The following CLIC5 variants were observed in gnomAD, a reference collection of about 807,000 sequenced individuals.
CLIC5 encodes the protein CLIC family member 5, also known as chloride intracellular channel protein 5.
Under a neutral mutation model 24.7 loss-of-function variants are expected in CLIC5, and 20 were observed. The observed-to-expected ratio is 0.81, with a 90% CI of 0.57 to 1.18. The LOEUF is 1.18. Among genes scored for constraint, CLIC5 ranks in the 50% most tolerant of loss-of-function variants. The pLI is 0.00. For missense variants in CLIC5, 341 were observed against 326.1 expected (o/e 1.05, Z -0.35); for synonymous variants, 159 against 135.6 (o/e 1.17, Z -1.20).
chr6:46,071,486 A>T (rs1762595338), intron 1 of CLIC5, among the ~76,000 whole-genome samples: 2 of 152,128 alleles, frequency 1.3e-5, no homozygotes, highest in African/African-American at 4.8e-5. Flanking sequence ...TATGAAAAAA[A>T]GCTTATCGCT....
At chr6:46,005,835 C>G (rs12197333) in intron 1 of CLIC5, among the ~76,000 whole-genome samples, 52,414 of 151,122 alleles carry the variant, frequency 0.35, 9,329 homozygotes, top group Middle Eastern at 0.45. Context: ...CATTGTGGCC[C>G]TCACCAGACA....
chr6:45,911,721 G>C (rs1762826881), intron 5 of CLIC5: 1 of 985,290 alleles, frequency 1.0e-6, no homozygotes, highest in African/African-American at 1.7e-5. Flanking sequence ...TTCTATTGAT[G>C]TTGGTGTTCC....
Position 45,939,984 on chromosome 6 carries a change from C to G in CLIC5, c.406+1563G>C, listed in dbSNP as rs371792119. Among the ~76,000 whole-genome samples, 102 of 152,152 alleles carry G rather than the reference C, an allele frequency of 6.7e-4. 1 individual carries two copies. In the South Asian group the frequency reaches 0.02, roughly 30 times the overall value. ...ATGCTTCTTCTTATTTCCCAGAAGC[C>G]ACTCTCTTTCTAGTTTCTTGACACA... On this transcript the variant is annotated intron_variant, in intron 4 of 5. Transcript: ENST00000339561.
intron 1 of CLIC5, among the ~76,000 whole-genome samples, chr6:46,027,817 G>A (rs1469637534): frequency 6.6e-6 from 1 of 152,200 alleles, no homozygotes; most frequent in Non-Finnish European, 1.5e-5. Context: ...GCCAGGACTT[G>A]TGGAGGATGG....
the CLIC5 span, among the ~76,000 whole-genome samples, chr6:46,097,687 C>A: frequency 6.6e-6 from 1 of 152,232 alleles, no homozygotes; most frequent in Non-Finnish European, 1.5e-5. Flanking sequence ...CCAGGCCATA[C>A]ATGATTCACA....
intron 4 of CLIC5, among the ~76,000 whole-genome samples, chr6:45,937,081 C>T (rs547948483): frequency 4.6e-4 from 70 of 152,132 alleles, no homozygotes; most frequent in Non-Finnish European, 8.5e-4. Flanking sequence ...TGCAAGGCTG[C>T]TGAGGTATGA....
At chr6:45,953,106 C>T (rs1764524632) in intron 2 of CLIC5, among the ~76,000 whole-genome samples, 1 of 152,086 alleles carries the variant, frequency 6.6e-6, no homozygotes, top group Non-Finnish European at 1.5e-5. Flanking sequence ...AGTATTTGAA[C>T]CAAGCAGATG....
At chr6:46,049,890 G>A (rs1256609782) in intron 1 of CLIC5, among the ~76,000 whole-genome samples, 7 of 152,268 alleles carry the variant, frequency 4.6e-5, no homozygotes, top group East Asian at 3.9e-4. Flanking sequence ...TTTGACTGAT[G>A]TCTCTGCTCC....
At chr6:46,009,807 G>A (rs1371613928) in intron 1 of CLIC5, among the ~76,000 whole-genome samples, 1 of 152,170 alleles carries the variant, frequency 6.6e-6, no homozygotes, top group African/African-American at 2.4e-5. Context: ...GAGCCTTGGG[G>A]AAGCAGTTAT....
the CLIC5 span, among the ~76,000 whole-genome samples, chr6:46,124,625 C>T: frequency 6.6e-6 from 1 of 152,190 alleles, no homozygotes; most frequent in East Asian, 1.9e-4. Flanking sequence ...AAACTACCAT[C>T]AGAGTGAATG....
chr6:45,991,386 T>C (rs1163261367), intron 1 of CLIC5, among the ~76,000 whole-genome samples: 7 of 152,090 alleles, frequency 4.6e-5, no homozygotes, highest in African/African-American at 1.7e-4. Context: ...ATCCTAAAAC[T>C]GCAAGAAACT....
intron 1 of CLIC5, among the ~76,000 whole-genome samples, chr6:46,000,420 T>C (rs769905653): frequency 1.2e-4 from 19 of 152,172 alleles, no homozygotes; most frequent in Non-Finnish European, 1.3e-4. Flanking sequence ...TCACCATTTT[T>C]AGTTGTTACC....
At chr6:46,126,359 G>T in the CLIC5 span, among the ~76,000 whole-genome samples, 1 of 152,180 alleles carries the variant, frequency 6.6e-6, no homozygotes, top group African/African-American at 2.4e-5. Context: ...TTGAAAAATT[G>T]AGCACATTGC....
chr6:46,108,330 G>A, the CLIC5 span, among the ~76,000 whole-genome samples: 1 of 151,160 alleles, frequency 6.6e-6, no homozygotes, highest in South Asian at 2.1e-4. Flanking sequence ...CAAAAAAAAA[G>A]GGAAGAGAGA....
chr6:46,046,182 C>T (rs912361780), intron 1 of CLIC5, among the ~76,000 whole-genome samples: 8 of 152,122 alleles, frequency 5.3e-5, no homozygotes, highest in Non-Finnish European at 7.4e-5. Flanking sequence ...CTGAGTAATG[C>T]TTCTTCTAAC....
At chr6:45,997,032 C>T (rs1766169287) in intron 1 of CLIC5, among the ~76,000 whole-genome samples, 1 of 152,108 alleles carries the variant, frequency 6.6e-6, no homozygotes, top group African/African-American at 2.4e-5. Flanking sequence ...ATAAATCATG[C>T]TGCTATAAAG....
intron 1 of CLIC5, among the ~76,000 whole-genome samples, chr6:45,967,621 G>C (rs2127400265): frequency 6.6e-6 from 1 of 152,292 alleles, no homozygotes; most frequent in East Asian, 1.9e-4. Flanking sequence ...AGAAATACCT[G>C]AGACTGGGTA....
intron 6 of CLIC5, among the ~76,000 whole-genome samples, chr6:45,889,327 C>A (rs570994572): frequency 6.6e-6 from 1 of 152,190 alleles, no homozygotes; most frequent in South Asian, 2.1e-4. Context: ...TAATCCTATT[C>A]CTGAGAGCTC....
intron 1 of CLIC5, among the ~76,000 whole-genome samples, chr6:46,010,423 C>A (rs1175622956): frequency 6.6e-6 from 1 of 152,156 alleles, no homozygotes; most frequent in African/African-American, 2.4e-5. Flanking sequence ...CCCATCCTGG[C>A]CAACACACTG....
Sources: allele counts gnomAD v4.1 joint callset (sites outside exome capture counted in the v4.1 genomes callset), GRCh38; gene constraint gnomAD v4.1.1; transcripts MANE v1.5; gene names NCBI Gene and HGNC (gene_info 2026-07-23, HGNC 2026-07-21).